TMX1: variants seen among roughly 807,000 people sequenced by gnomAD.
TMX1 encodes the protein thioredoxin-related transmembrane protein 1.
Under a neutral mutation model 36.6 loss-of-function variants are expected in TMX1, and 25 were observed. The observed-to-expected ratio is 0.68, with a 90% confidence interval of 0.50 to 0.95. The LOEUF (loss-of-function observed/expected upper bound fraction) is 0.95, where lower values mean the gene tolerates loss of function less well. Among genes scored for constraint, TMX1 ranks in the 40% least tolerant of loss-of-function variants. The pLI, the probability that TMX1 is intolerant of heterozygous loss-of-function variation, is 0.00. For missense variants in TMX1, 347 were observed against 339.6 expected (o/e 1.02, Z -0.17); for synonymous variants, 133 against 118.0 (o/e 1.13, Z -0.82).
rs2065753450 is a variant in TMX1, at chr14:51,240,281, G to A, written c.-12G>A. The stretch of plus-strand genomic sequence containing the variant: ...TGCGACCGCGCTCCCTGTGAGGTGG[G>A]CAAGCGGCGAAATGGCGCCCTCCGG... On this transcript the variant is annotated 5_prime_UTR_variant, in exon 1 of 8. Transcript: ENST00000457354. The A allele has an allele frequency of 6.2e-7, 1 of 1,607,718 alleles. No homozygotes were observed. Among genetic ancestry groups the A allele is most frequent in the Non-Finnish European group, 8.5e-7 (1 of 1,179,330 alleles).
At chr14:51,252,581 C>G (rs1318085334) in intron 7 of TMX1, among the ~76,000 whole-genome samples, 1 of 152,086 alleles carries the variant, frequency 6.6e-6, no homozygotes, top group Non-Finnish European at 1.5e-5. Flanking sequence ...GCAGTAAGCA[C>G]TATGTATATG....
intron 1 of TMX1, among the ~76,000 whole-genome samples, chr14:51,241,093 G>C (rs1435860357): frequency 6.6e-6 from 1 of 151,854 alleles, no homozygotes; most frequent in Non-Finnish European, 1.5e-5. Flanking sequence ...TTGTAGTGTA[G>C]AGAATACCTT....
chr14:51,246,333 A>G (rs964752506), intron 3 of TMX1, among the ~76,000 whole-genome samples: 8 of 152,170 alleles, frequency 5.3e-5, no homozygotes, highest in South Asian at 4.1e-4. Context: ...AATCTTACCT[A>G]TGCTTCAAAT....
chr14:51,251,198 G>A (rs935219299), intron 7 of TMX1, among the ~76,000 whole-genome samples: 4 of 152,140 alleles, frequency 2.6e-5, no homozygotes, highest in African/African-American at 4.8e-5. Flanking sequence ...TTGACTTTAC[G>A]ATGGTGCAAA....
intron 2 of TMX1, 37 bp downstream of exon 2, chr14:51,244,008 G>A (rs768960034): frequency 2.8e-5 from 43 of 1,520,892 alleles, no homozygotes; most frequent in Non-Finnish European, 1.3e-5. Flanking sequence ...TTTCTTTGCT[G>A]TTTGGGTTGA....
intron 4 of TMX1, among the ~76,000 whole-genome samples, chr14:51,247,958 C>T (rs1299909367): frequency 2.0e-5 from 3 of 152,174 alleles, no homozygotes; most frequent in South Asian, 2.1e-4. Context: ...CAATAATTGC[C>T]GATACCAACT....
intron 3 of TMX1, among the ~76,000 whole-genome samples, chr14:51,246,508 T>C (rs1400651991): frequency 6.6e-6 from 1 of 152,100 alleles, no homozygotes; most frequent in East Asian, 1.9e-4. Context: ...CAAGAGAACA[T>C]TTGTGACTCT....
chr14:51,253,274 A>G (rs1249898545), intron 7 of TMX1, among the ~76,000 whole-genome samples: 2 of 152,230 alleles, frequency 1.3e-5, no homozygotes, highest in Non-Finnish European at 2.9e-5. Context: ...GAAAAAACAA[A>G]TATCTCTAGA....
At chr14:51,247,485 T>A (rs1274035664) in intron 4 of TMX1, among the ~76,000 whole-genome samples, 130 of 151,328 alleles carry the variant, frequency 8.6e-4, no homozygotes, top group Middle Eastern at 3.4e-3. Flanking sequence ...GCCTCCCGAG[T>A]AGCTGGGACT....
chr14:51,254,619 AG>A lies in TMX1; in HGVS notation c.*103del. ...GAACTGTGACTTTTTTGAATATTGC[AG>A]GGTTCAGTCTAGATTGTCATTAAAT... On this transcript the variant is annotated 3_prime_UTR_variant, in exon 8 of 8. Transcript: ENST00000457354. 3.8e-6 allele frequency: 4 copies of A among 1,066,650 alleles called. No individual in the cohort carries two copies. The allele number at this position is 1,066,650 out of a possible 1,614,324, so 66.1% of individuals were successfully genotyped here.
At chr14:51,244,057 C>A (rs985727159) in intron 2 of TMX1, 86 bp downstream of exon 2, 18 of 1,103,516 alleles carry the variant, frequency 1.6e-5, no homozygotes, top group Non-Finnish European at 2.2e-5. Flanking sequence ...AGTCTTAATT[C>A]TACCTTTCTT....
At chr14:51,244,125 C>G in intron 2 of TMX1, 154 bp downstream of exon 2, 1 of 533,448 alleles carries the variant, frequency 1.9e-6, no homozygotes. Flanking sequence ...CACCTCCCTG[C>G]TGGGGGCTCA....
At position 51,249,390 on chromosome 14, in the gene TMX1, T is replaced by C; in HGVS notation, c.489+19T>C. 1 of 1,601,726 alleles carries C rather than the reference T, an allele frequency of 6.2e-7. No homozygotes were observed. Among genetic ancestry groups the C allele is most frequent in the Non-Finnish European group, 8.5e-7 (1 of 1,175,524 alleles). ...GATCAGGGTATGGACTAAAATATTT[T>C]TATCTTAAACATTTTTACCACTATC... On this transcript the variant is annotated intron_variant, in intron 5 of 7. Coordinates refer to ENST00000457354, the MANE Select transcript of TMX1 (RefSeq NM_030755.5).
In TMX1 at chr14:51,247,180, A is replaced by G. The variant is rs1333998584; in HGVS notation, c.403A>G (p.Ile135Val). 60 of 1,613,514 alleles carry G rather than the reference A, an allele frequency of 3.7e-5. No homozygotes were observed. The highest frequency in any genetic ancestry group is 1.7e-4 in the Middle Eastern group (1 of 5,996). ...TATAAGTGATAAAGAGTGGAAGAGT[A>G]TTGAGCCCGTTTCATCATGGTTTGG... ...NFISDKEWKS[I>V]EPVSSWFGPG... is the part of the protein sequence containing the mutation. Residue 135 changes from isoleucine (I) to valine (V), a missense_variant, in exon 4 of 8, where the codon ATT becomes GTT. Coordinates refer to ENST00000457354, the MANE Select transcript of TMX1 (RefSeq NM_030755.5).
At chr14:51,247,295 T>C (rs1251111904) in intron 4 of TMX1, 75 bp downstream of exon 4, 4 of 1,479,926 alleles carry the variant, frequency 2.7e-6, no homozygotes, top group Non-Finnish European at 3.6e-6. Flanking sequence ...TGTAAAGCAT[T>C]CATACTCAGT....
intron 2 of TMX1, among the ~76,000 whole-genome samples, chr14:51,244,701 C>A (rs755029513): frequency 6.6e-6 from 1 of 152,040 alleles, no homozygotes; most frequent in East Asian, 1.9e-4. Context: ...GAGCGCTTGC[C>A]TATTATAGCA....
Position 51,254,617 on chromosome 14 carries a change from G to A in TMX1, c.*98G>A. 1 of 1,073,586 alleles carries A rather than the reference G, an allele frequency of 9.3e-7. No individual in the cohort carries two copies. The highest frequency in any genetic ancestry group is 1.3e-6 in the Non-Finnish European group (1 of 748,118). The allele number at this position is 1,073,586 out of a possible 1,614,324, so 66.5% of individuals were successfully genotyped here. On this transcript the variant is annotated 3_prime_UTR_variant, in exon 8 of 8. Transcript: ENST00000457354. ...GTGAACTGTGACTTTTTTGAATATT[G>A]CAGGGTTCAGTCTAGATTGTCATTA... is the stretch of plus-strand genomic sequence containing the variant.
intron 7 of TMX1, among the ~76,000 whole-genome samples, chr14:51,252,678 C>T (rs7157008): frequency 0.039 from 5,870 of 152,234 alleles, 238 homozygotes; most frequent in East Asian, 0.2. Flanking sequence ...CGTAATGGAA[C>T]ACATGATTTG....
At chr14:51,241,858 G>A (rs918487911) in intron 1 of TMX1, among the ~76,000 whole-genome samples, 39 of 152,280 alleles carry the variant, frequency 2.6e-4, no homozygotes, top group African/African-American at 8.9e-4. Flanking sequence ...TGGCCGGCGC[G>A]GTGGCTCACG....
Sources: gnomAD v4.1 joint callset for allele counts (sites outside exome capture counted in the v4.1 genomes callset) on GRCh38, gnomAD v4.1.1 for gene constraint, MANE v1.5 for transcripts, NCBI Gene and HGNC (gene_info 2026-07-23, HGNC 2026-07-21) for gene names.